DPP9: variants seen among roughly 807,000 people sequenced by gnomAD.
DPP9 encodes the protein dipeptidyl peptidase IV-related protein-2.
In DPP9, 50 loss-of-function variants were observed where a neutral mutation model predicts 110.7. That is an observed-to-expected ratio of 0.45 (90% CI 0.36 to 0.57). DPP9 has a LOEUF of 0.57. Ranked by LOEUF, DPP9 falls within the 20% of genes least tolerant of loss-of-function variation. The pLI is 0.00. For synonymous variants in DPP9, 561 were observed against 514.4 expected (o/e 1.09, Z -1.23); for missense variants, 1,022 against 1,217.9 (o/e 0.84, Z 2.39).
intron 4 of DPP9, among the ~76,000 whole-genome samples, chr19:4,708,746 T>C (rs1012243312): frequency 3.3e-5 from 5 of 152,068 alleles, no homozygotes; most frequent in Non-Finnish European, 2.9e-5. Context: ...TGAGAACACA[T>C]GGACACATAG....
At chr19:4,721,754 G>A (rs1411080542) in intron 2 of DPP9, among the ~76,000 whole-genome samples, 2 of 152,200 alleles carry the variant, frequency 1.3e-5, no homozygotes, top group African/African-American at 4.8e-5. Flanking sequence ...GCACTCCAGG[G>A]GTGACAGAGC....
In DPP9 at chr19:4,695,065, C is replaced by G; in HGVS notation, c.1354-242G>C. Reference sequence around the variant, plus strand: ...ACTCTGGAGGCTGAGGTGGGAGGATCACTTAGGCCCAGGAGGTCAAGGCTG... The same window carrying G: ...ACTCTGGAGGCTGAGGTGGGAGGATGACTTAGGCCCAGGAGGTCAAGGCTG... On this transcript the variant is annotated intron_variant, in intron 12 of 21. Coordinates refer to ENST00000262960, the MANE Select transcript of DPP9 (RefSeq NM_139159.5). This position sits in a 1 kb window ranked among gnomAD's most constrained non-coding sequence, Gnocchi z 4.7. 1 of 595,460 alleles carries G rather than the reference C, an allele frequency of 1.7e-6. No individual in the cohort carries two copies. The highest frequency in any genetic ancestry group is 2.1e-5 in the South Asian group (1 of 48,242). The allele number at this position is 595,460 out of a possible 1,614,324, so 36.9% of individuals were successfully genotyped here. A position where few individuals can be genotyped will look rare whatever the true frequency, so the allele number is the denominator to read the frequency against.
At chr19:4,708,824 T>C (rs1352226200) in intron 4 of DPP9, among the ~76,000 whole-genome samples, 2 of 152,082 alleles carry the variant, frequency 1.3e-5, no homozygotes, top group Non-Finnish European at 2.9e-5. Flanking sequence ...AAAATAACTA[T>C]CGGGTACTAG....
intron 4 of DPP9, among the ~76,000 whole-genome samples, chr19:4,706,222 C>A (rs1029921441): frequency 6.6e-6 from 1 of 151,276 alleles, no homozygotes; most frequent in Non-Finnish European, 1.5e-5. Flanking sequence ...AGAGGCTGGG[C>A]ATGGTGGCTC....
chr19:4,682,922 C>G lies in DPP9; in HGVS notation c.2332-84G>C, dbSNP rs570617395. 7.8e-6 allele frequency: 12 copies of G among 1,537,738 alleles called. No individual in the cohort carries two copies. In the Admixed American group the frequency reaches 9.8e-5, roughly 13 times the overall value. On this transcript the variant is annotated intron_variant, in intron 19 of 21. Coordinates refer to ENST00000262960, the MANE Select transcript of DPP9 (RefSeq NM_139159.5). This position sits in a 1 kb window ranked among gnomAD's most constrained non-coding sequence, Gnocchi z 7.1. ...CTACAGCCAGCATCAGCCGCTGTCC[C>G]GGGGCCGCCCTGGAGCCCGTGAGGA...
chr19:4,716,988 T>C (rs1287818791), intron 3 of DPP9, among the ~76,000 whole-genome samples: 1 of 152,092 alleles, frequency 6.6e-6, no homozygotes, highest in Non-Finnish European at 1.5e-5. Context: ...GCAAGGGACA[T>C]ACGAAAGGCT....
chr19:4,705,893 G>A lies in DPP9; in HGVS notation c.391C>T (p.Leu131Phe), dbSNP rs2092558769. The stretch of plus-strand genomic sequence containing the variant: ...TCCAGCATCTGCTTCCAGGACAGGA[G>A]CAGCAGAGCCTCTTTCCGGACCTTC... Reference protein sequence around the residue: ...PKKVRKEALLLLSWKQMLDHF... With the variant: ...PKKVRKEALLFLSWKQMLDHF... The change falls in exon 5 of 22, where the codon CTC (leucine) becomes TTC (phenylalanine). Residue 131 changes from leucine (L) to phenylalanine (F), a missense_variant. Around this residue, in one of 3 missense-constraint regions of DPP9, gnomAD observed 810 missense variants for 920.6 expected, o/e 0.88. Transcript: ENST00000262960. 6.2e-7 allele frequency: 1 copy of A among 1,613,888 alleles called. No homozygotes were observed. Among genetic ancestry groups the A allele is most frequent in the Non-Finnish European group, 8.5e-7 (1 of 1,179,878 alleles).
intron 4 of DPP9, among the ~76,000 whole-genome samples, chr19:4,712,895 C>T (rs761782774): frequency 1.1e-4 from 17 of 152,214 alleles, no homozygotes; most frequent in Admixed American, 4.6e-4. Context: ...CAGAGGATGA[C>T]GGCCGTTCAC....
rs2090872784 is a variant in DPP9, at chr19:4,687,477, G to A, written c.1885+1280C>T. Among the ~76,000 whole-genome samples, 2 of 152,202 alleles carry A rather than the reference G, an allele frequency of 1.3e-5. No individual in the cohort carries two copies. Among genetic ancestry groups the A allele is most frequent in the Admixed American group, 1.3e-4 (2 of 15,270 alleles). On this transcript the variant is annotated intron_variant, in intron 16 of 21. Coordinates refer to ENST00000262960, the MANE Select transcript of DPP9 (RefSeq NM_139159.5). The surrounding 1 kb of genome is among the most constrained non-coding windows in gnomAD (Gnocchi z 4.7). Reference sequence around the variant, plus strand: ...TGTGACGGAGCCAGCACTGGAACCCGGAGTCACCAATGCAGGGTCCTGGCC... The same window carrying A: ...TGTGACGGAGCCAGCACTGGAACCCAGAGTCACCAATGCAGGGTCCTGGCC...
chr19:4,678,748 C>A (rs2089285093), intron 21 of DPP9, among the ~76,000 whole-genome samples: 1 of 152,074 alleles, frequency 6.6e-6, no homozygotes, highest in African/African-American at 2.4e-5. Context: ...ACAGGACGCT[C>A]CCCACAGGAC....
At position 4,697,746 on chromosome 19, in the gene DPP9, C is replaced by A. The variant is rs559184337; in HGVS notation, c.1075-95G>T. ...GCGCTGGGTCCCATCATGTCCCCCC[C>A]AAATTCATATGCTGGAGTCTCAGCC... On this transcript the variant is annotated intron_variant, in intron 10 of 21. Coordinates refer to ENST00000262960, the MANE Select transcript of DPP9 (RefSeq NM_139159.5). The A allele has an allele frequency of 6.3e-6, 6 of 959,816 alleles. No homozygotes were observed. The East Asian group carries it at 1.1e-4, about 17-fold the overall frequency. The allele number at this position is 959,816 out of a possible 1,614,324, so 59.5% of individuals were successfully genotyped here.
intron 15 of DPP9, 62 bp from the exon 16 acceptor site, chr19:4,688,954 C>G (rs376218543): frequency 6.8e-7 from 1 of 1,479,484 alleles, no homozygotes; most frequent in African/African-American, 1.5e-5. Flanking sequence ...CACTGGGTGC[C>G]GACCGCAGAT....
At position 4,699,750 on chromosome 19, in the gene DPP9, C is replaced by T. The variant is rs138571202; in HGVS notation, c.1074+466G>A. Among the ~76,000 whole-genome samples, 10 of 152,272 alleles carry T rather than the reference C, an allele frequency of 6.6e-5. No individual in the cohort carries two copies. In the East Asian group the frequency reaches 1.7e-3, roughly 26 times the overall value. On this transcript the variant is annotated intron_variant, in intron 10 of 21. Transcript: ENST00000262960. The stretch of plus-strand genomic sequence containing the variant: ...ACACTCTCCTCCCCACAGTAGCTGA[C>T]GGGTCCGGTGAACGGACCTGAGGAT...
chr19:4,686,821 T>A (rs954275654), intron 16 of DPP9, among the ~76,000 whole-genome samples: 4 of 152,172 alleles, frequency 2.6e-5, no homozygotes, highest in South Asian at 2.1e-4. Context: ...GAGGGCCAGA[T>A]AGCAAATATA....
intron 21 of DPP9, among the ~76,000 whole-genome samples, chr19:4,677,203 A>G (rs959126555): frequency 1.3e-5 from 2 of 151,972 alleles, no homozygotes; most frequent in African/African-American, 4.8e-5. Context: ...GGCTCCTGAG[A>G]CCTGGACCAG....
intron 13 of DPP9, among the ~76,000 whole-genome samples, chr19:4,692,709 C>T (rs985870635): frequency 1.3e-5 from 2 of 152,132 alleles, no homozygotes; most frequent in East Asian, 1.9e-4. Context: ...ACATTTGAAA[C>T]GTGAGCACTC....
Position 4,695,597 on chromosome 19 carries a change from A to G in DPP9, c.1176-42T>C. ...GGGGGAAGATGAGAGGGAAGCTGGG[A>G]GCCTCAGTGGCCTGCACAGAGAAGC... On this transcript the variant is annotated intron_variant, in intron 11 of 21. Coordinates refer to ENST00000262960, the MANE Select transcript of DPP9 (RefSeq NM_139159.5). This position sits in a 1 kb window ranked among gnomAD's most constrained non-coding sequence, Gnocchi z 4.7. The G allele has an allele frequency of 7.0e-7, 1 of 1,429,772 alleles. No homozygotes were observed. The highest frequency in any genetic ancestry group is 1.5e-5 in the African/African-American group (1 of 67,918). The allele number at this position is 1,429,772 out of a possible 1,614,324, so 88.6% of individuals were successfully genotyped here. A position where few individuals can be genotyped will look rare whatever the true frequency, so the allele number is the denominator to read the frequency against.
At chr19:4,716,600 G>A (rs916597638) in intron 3 of DPP9, among the ~76,000 whole-genome samples, 1 of 151,674 alleles carries the variant, frequency 6.6e-6, no homozygotes, top group African/African-American at 2.4e-5. Context: ...TCGTGCCACT[G>A]CACTCCAGCC....
rs781211285 is a variant in DPP9, at chr19:4,697,635, T to C, written c.1091A>G (p.Glu364Gly). 2 of 1,613,728 alleles carry C rather than the reference T, an allele frequency of 1.2e-6. No individual in the cohort carries two copies. Among genetic ancestry groups the C allele is most frequent in the Non-Finnish European group, 1.7e-6 (2 of 1,179,840 alleles). The change falls in exon 11 of 22, where the codon GAG (glutamate) becomes GGG (glycine). Residue 364 changes from glutamate to glycine, a missense_variant. Around this residue, in one of 3 missense-constraint regions of DPP9, gnomAD observed 810 missense variants for 920.6 expected, o/e 0.88. Transcript: ENST00000262960. ...DSQGKIVSTQ[E>G]KELVQPFSSL... is the part of the protein sequence containing the mutation. ...GCTGAAGGGCTGCACCAGCTCCTTC[T>C]CCTGGGTCGAGACGATCTGAAGGGA... is the stretch of plus-strand genomic sequence containing the variant.
Sources: gnomAD v4.1 joint callset for allele counts (sites outside exome capture counted in the v4.1 genomes callset) on GRCh38, gnomAD v4.1.1 for gene constraint, gnomAD v4.1.1 regional missense constraint, Gnocchi (gnomAD v3.1) non-coding constraint, MANE v1.5 for transcripts, NCBI Gene and HGNC (gene_info 2026-07-23, HGNC 2026-07-21) for gene names.